The following SMOC2 variants were observed in gnomAD, a reference collection of about 807,000 sequenced individuals.
The protein encoded by SMOC2 is SPARC related modular calcium binding 2, also known as SPARC-related modular calcium-binding protein 2.
Under a neutral mutation model 61.4 loss-of-function variants are expected in SMOC2, and 39 were observed. That is an observed-to-expected ratio of 0.64 (90% confidence interval 0.49 to 0.83). The LOEUF (loss-of-function observed/expected upper bound fraction) is 0.83, where lower values mean the gene tolerates loss of function less well. Among genes scored for constraint, SMOC2 ranks in the 40% least tolerant of loss-of-function variants. The probability of loss-of-function intolerance (pLI) is 0.00; values close to 1 mark genes in which losing one functional copy is unlikely to be tolerated. For missense variants in SMOC2, 556 were observed against 592.9 expected (o/e 0.94, Z 0.65); for synonymous variants, 247 against 239.9 (o/e 1.03, Z -0.27).
At chr6:168,653,307 TAC>T in intron 11 of SMOC2, 79 bp downstream of exon 11, 1 of 1,472,128 alleles carries the variant, frequency 6.8e-7, no homozygotes, top group Non-Finnish European at 9.2e-7. Context: ...CAAACACAAT[TAC>T]AGATTGTGTT....
intron 7 of SMOC2, among the ~76,000 whole-genome samples, chr6:168,581,795 C>G (rs1253713649): frequency 2.0e-5 from 3 of 152,208 alleles, no homozygotes; most frequent in Admixed American, 6.5e-5. Flanking sequence ...CTGCAGCCCC[C>G]CTCCCCTCCC....
At chr6:168,609,721 G>T (rs754034297) in intron 9 of SMOC2, among the ~76,000 whole-genome samples, 17 of 152,172 alleles carry the variant, frequency 1.1e-4, no homozygotes, top group Non-Finnish European at 2.2e-4. Context: ...CTCAATAAAT[G>T]TTTCCTGGTT....
At chr6:168,505,510 C>G (rs867757062) in intron 1 of SMOC2, among the ~76,000 whole-genome samples, 3 of 142,528 alleles carry the variant, frequency 2.1e-5, no homozygotes, top group Admixed American at 7.1e-5. Flanking sequence ...TCTCAGATGC[C>G]GGATGAATGA....
chr6:168,592,002 T>A (rs1448371556), intron 7 of SMOC2, among the ~76,000 whole-genome samples: 2 of 152,218 alleles, frequency 1.3e-5, no homozygotes, highest in Non-Finnish European at 2.9e-5. Context: ...ACATAACTTA[T>A]AGTAATATGA....
rs557821229 is a variant in SMOC2 at position 168,627,056 on chromosome 6, T to C, written c.907+18817T>C. 2.6e-5 allele frequency among the ~76,000 whole-genome samples: 4 copies of C among 152,312 alleles called. No homozygotes were observed. In the South Asian group the frequency reaches 8.3e-4, roughly 32 times the overall value. On this transcript the variant is annotated intron_variant, in intron 9 of 12. Transcript: ENST00000356284. ...GAGACACACTCCAGGCCCCATAACC[T>C]TGGAGGAGCTAGATATTTGTAAAAA...
At chr6:168,632,736 A>G (rs1425241323) in intron 9 of SMOC2, among the ~76,000 whole-genome samples, 2 of 152,210 alleles carry the variant, frequency 1.3e-5, no homozygotes, top group Non-Finnish European at 2.9e-5. Flanking sequence ...TTCATCCACA[A>G]CATTGTAACT....
intron 9 of SMOC2, among the ~76,000 whole-genome samples, chr6:168,630,903 G>T (rs1265393771): frequency 6.6e-6 from 1 of 152,130 alleles, no homozygotes; most frequent in Admixed American, 6.6e-5. Context: ...TGATCAGACG[G>T]TCTGCTCTCA....
At chr6:168,582,240 ATGTC>A (rs1784935675) in intron 7 of SMOC2, among the ~76,000 whole-genome samples, 1 of 151,996 alleles carries the variant, frequency 6.6e-6, no homozygotes, top group Non-Finnish European at 1.5e-5. Context: ...TGTTGAAGGG[ATGTC>A]ATGGATTGGT....
At chr6:168,563,876 G>A (rs764539910) in intron 7 of SMOC2, among the ~76,000 whole-genome samples, 13 of 152,118 alleles carry the variant, frequency 8.5e-5, no homozygotes, top group Non-Finnish European at 1.6e-4. Flanking sequence ...TGTCCGTAGA[G>A]CAAGCAGAGC....
intron 1 of SMOC2, among the ~76,000 whole-genome samples, chr6:168,496,881 C>T (rs575252174): frequency 2.0e-5 from 3 of 152,334 alleles, no homozygotes; most frequent in South Asian, 2.1e-4. Context: ...CAAAGGCTGT[C>T]GAAAATTCAA....
chr6:168,519,157 GTGTA>G (rs1325440028), intron 2 of SMOC2, among the ~76,000 whole-genome samples: 1 of 151,860 alleles, frequency 6.6e-6, no homozygotes, highest in African/African-American at 2.4e-5. Flanking sequence ...GCATGCGTGT[GTGTA>G]TGCGTGCATG....
intron 1 of SMOC2, among the ~76,000 whole-genome samples, chr6:168,502,313 GA>G (rs1207736291): frequency 6.6e-6 from 1 of 152,196 alleles, no homozygotes; most frequent in Admixed American, 6.5e-5. Flanking sequence ...GACAAGTGAA[GA>G]AATCAGCTCT....
chr6:168,468,121 C>G (rs1280238768), intron 1 of SMOC2, among the ~76,000 whole-genome samples: 1 of 152,202 alleles, frequency 6.6e-6, no homozygotes, highest in African/African-American at 2.4e-5. Context: ...TTCTCCTTGG[C>G]TCAATGAAGG....
chr6:168,444,059 T>C (rs1450720585), intron 1 of SMOC2, among the ~76,000 whole-genome samples: 1 of 152,224 alleles, frequency 6.6e-6, no homozygotes, highest in Non-Finnish European at 1.5e-5. Flanking sequence ...GATACCGTAA[T>C]TATCAATGCA....
At chr6:168,489,518 C>T (rs991200574) in intron 1 of SMOC2, among the ~76,000 whole-genome samples, 21 of 143,300 alleles carry the variant, frequency 1.5e-4, no homozygotes, top group African/African-American at 2.7e-4. Flanking sequence ...GTCTGGGTCC[C>T]CTTGGATCAC....
chr6:168,467,796 C>T (rs989589024), intron 1 of SMOC2, among the ~76,000 whole-genome samples: 1 of 152,072 alleles, frequency 6.6e-6, no homozygotes, highest in African/African-American at 2.4e-5. Flanking sequence ...GTGAGATGTC[C>T]TATTGAGTTT....
intron 1 of SMOC2, among the ~76,000 whole-genome samples, chr6:168,472,624 C>A (rs774475823): frequency 6.6e-6 from 1 of 152,038 alleles, no homozygotes; most frequent in African/African-American, 2.4e-5. Context: ...TAAGACTTTC[C>A]GTGTTGCTGC....
chr6:168,652,406 A>T (rs527485527), intron 10 of SMOC2, among the ~76,000 whole-genome samples: 1 of 152,220 alleles, frequency 6.6e-6, no homozygotes, highest in Non-Finnish European at 1.5e-5. Context: ...CTCACGGAGA[A>T]GGTGCGTGTC....
At chr6:168,519,068 A>AACGCGT (rs1562567107) in intron 2 of SMOC2, among the ~76,000 whole-genome samples, 16 of 102,916 alleles carry the variant, frequency 1.6e-4, no homozygotes, top group Non-Finnish European at 3.1e-4. Flanking sequence ...TATGTGTGTG[A>AACGCGT]GTGTATGTAT....
Sources: allele counts gnomAD v4.1 joint callset (sites outside exome capture counted in the v4.1 genomes callset), GRCh38; gene constraint gnomAD v4.1.1; transcripts MANE v1.5; gene names NCBI Gene and HGNC (gene_info 2026-07-23, HGNC 2026-07-21).